The following MLIP variants were observed in gnomAD, a reference collection of about 807,000 sequenced individuals.
MLIP encodes muscular LMNA interacting protein.
A neutral mutation model predicts 84.8 loss-of-function variants in MLIP; 79 were observed. That is an observed-to-expected ratio of 0.93 (90% CI 0.78 to 1.12). The LOEUF (loss-of-function observed/expected upper bound fraction) is 1.12, where lower values mean the gene tolerates loss of function less well. MLIP is among the 50% of genes most tolerant of loss of function. The pLI is 0.00. For missense variants in MLIP, 1,257 were observed against 1,160.6 expected (o/e 1.08, Z -1.21); for synonymous variants, 504 against 463.0 (o/e 1.09, Z -1.14).
At chr6:54,226,252 A>C (rs191352394) in intron 11 of MLIP, among the ~76,000 whole-genome samples, 1 of 152,344 alleles carries the variant, frequency 6.6e-6, no homozygotes, top group Admixed American at 6.5e-5. Flanking sequence ...GCCTCCTGGC[A>C]TAGTGGAGAG....
chr6:54,186,944 T>G (rs1037757185), intron 9 of MLIP, among the ~76,000 whole-genome samples: 4 of 152,250 alleles, frequency 2.6e-5, no homozygotes, highest in Non-Finnish European at 4.4e-5. Context: ...TGTAACAAGT[T>G]TAAGACCTAT....
At chr6:54,111,959 G>A (rs1769504050) in intron 1 of MLIP, among the ~76,000 whole-genome samples, 1 of 152,220 alleles carries the variant, frequency 6.6e-6, no homozygotes, top group Non-Finnish European at 1.5e-5. Context: ...TGGCATGCGG[G>A]AAAACAGTTT....
intron 11 of MLIP, chr6:54,216,230 T>C (rs1321463359): frequency 1.0e-6 from 1 of 985,244 alleles, no homozygotes; most frequent in African/African-American, 1.7e-5. Context: ...GATTTCCTGC[T>C]AAAGGGTCAA....
intron 11 of MLIP, among the ~76,000 whole-genome samples, chr6:54,220,129 TAAG>T (rs749205963): frequency 1.3e-5 from 2 of 152,206 alleles, no homozygotes; most frequent in African/African-American, 4.8e-5. Flanking sequence ...TTGAATTTGA[TAAG>T]AAGTAGGTTA....
chr6:54,247,594 G>A (rs1004449545), intron 12 of MLIP, among the ~76,000 whole-genome samples: 4 of 152,182 alleles, frequency 2.6e-5, no homozygotes, highest in African/African-American at 4.8e-5. Context: ...GTCAGAAAAA[G>A]CTTACACAAC....
intron 1 of MLIP, among the ~76,000 whole-genome samples, chr6:54,116,148 A>G (rs1002563062): frequency 2.6e-5 from 4 of 152,280 alleles, no homozygotes; most frequent in African/African-American, 9.6e-5. Context: ...TCATAAGGTC[A>G]TAAGGTCTGA....
chr6:54,254,421 A>G (rs1166659149), intron 12 of MLIP, among the ~76,000 whole-genome samples: 2 of 151,914 alleles, frequency 1.3e-5, no homozygotes, highest in Non-Finnish European at 2.9e-5. Flanking sequence ...CACCACACCC[A>G]GTCAGTACTT....
At chr6:54,197,240 T>C (rs1473388335) in intron 10 of MLIP, among the ~76,000 whole-genome samples, 5 of 152,042 alleles carry the variant, frequency 3.3e-5, no homozygotes, top group Middle Eastern at 6.8e-3. Context: ...CAGAGGAGAG[T>C]TGACATGACT....
intron 5 of MLIP, among the ~76,000 whole-genome samples, chr6:54,155,938 C>T (rs566046230): frequency 9.1e-4 from 138 of 151,930 alleles, no homozygotes; most frequent in Non-Finnish European, 1.4e-3. Context: ...CCATTTATGC[C>T]TCAATTTCTG....
intron 10 of MLIP, among the ~76,000 whole-genome samples, chr6:54,201,795 A>G (rs1778697542): frequency 6.6e-6 from 1 of 152,218 alleles, no homozygotes; most frequent in African/African-American, 2.4e-5. Flanking sequence ...AAGACTCTCA[A>G]TAAATACTTA....
chr6:54,239,850 T>A (rs1463553557), intron 12 of MLIP, among the ~76,000 whole-genome samples: 3 of 152,248 alleles, frequency 2.0e-5, no homozygotes, highest in Admixed American at 6.5e-5. Flanking sequence ...TATTTATGTC[T>A]ACCACTATAA....
chr6:54,257,248 A>C, intron 12 of MLIP, 60 bp from the exon 13 acceptor site: 2 of 1,197,978 alleles, frequency 1.7e-6, no homozygotes, highest in Non-Finnish European at 2.4e-6. Context: ...ATGAAATTTT[A>C]ACATTTATTT....
At chr6:54,155,686 T>C (rs1773947133) in intron 5 of MLIP, among the ~76,000 whole-genome samples, 1 of 152,142 alleles carries the variant, frequency 6.6e-6, no homozygotes, top group Admixed American at 6.6e-5. Flanking sequence ...TTACAGTTTA[T>C]TGGCATACTT....
intron 4 of MLIP, among the ~76,000 whole-genome samples, chr6:54,146,331 T>C (rs1422393193): frequency 6.6e-6 from 1 of 152,222 alleles, no homozygotes; most frequent in Admixed American, 6.5e-5. Flanking sequence ...GATGATTATA[T>C]TTTACTATGT....
intron 1 of MLIP, among the ~76,000 whole-genome samples, chr6:54,088,734 G>T (rs562644757): frequency 6.6e-6 from 1 of 152,066 alleles, no homozygotes; most frequent in African/African-American, 2.4e-5. Flanking sequence ...ATCCATTAGG[G>T]TATGGAGAAA....
chr6:54,182,360 T>G (rs1199249409), intron 9 of MLIP, among the ~76,000 whole-genome samples: 1 of 152,194 alleles, frequency 6.6e-6, no homozygotes, highest in African/African-American at 2.4e-5. Context: ...GCACAGACTC[T>G]CTGTGCTGCA....
chr6:54,215,255 A>T, intron 11 of MLIP: 1 of 1,496,540 alleles, frequency 6.7e-7, no homozygotes, highest in Non-Finnish European at 8.8e-7. Context: ...TGACTTTCCT[A>T]CTTCCTGAAA....
intron 1 of MLIP, among the ~76,000 whole-genome samples, chr6:54,050,796 GT>G (rs1445079588): frequency 6.6e-6 from 1 of 152,108 alleles, no homozygotes; most frequent in Non-Finnish European, 1.5e-5. Flanking sequence ...ACACTCTGAG[GT>G]TTTGAGAATT....
chr6:54,231,524 A>T (rs961008602), intron 12 of MLIP, among the ~76,000 whole-genome samples: 15 of 152,062 alleles, frequency 9.9e-5, no homozygotes, highest in African/African-American at 2.2e-4. Context: ...CAAGTAAAAA[A>T]TATTTATAGT....
Sources: gnomAD v4.1 joint callset for allele counts (sites outside exome capture counted in the v4.1 genomes callset) on GRCh38, gnomAD v4.1.1 for gene constraint, MANE v1.5 for transcripts, NCBI Gene and HGNC (gene_info 2026-07-23, HGNC 2026-07-21) for gene names.